Variants in ENTPD1 observed in about 807,000 individuals in gnomAD.
ENTPD1 encodes ectonucleoside triphosphate diphosphohydrolase 1.
Under a neutral mutation model 57.0 loss-of-function variants are expected in ENTPD1, and 33 were observed. The ratio of observed to expected loss-of-function variants is 0.58; its 90% CI spans 0.44 to 0.77. The LOEUF (loss-of-function observed/expected upper bound fraction) is 0.77. Ranked by LOEUF, ENTPD1 falls within the 30% of genes least tolerant of loss-of-function variation. The pLI is 0.00. For missense variants in ENTPD1, 501 were observed against 603.4 expected (o/e 0.83, Z 1.78); for synonymous variants, 202 against 218.8 (o/e 0.92, Z 0.68).
intron 3 of ENTPD1, among the ~76,000 whole-genome samples, chr10:95,840,541 C>G (rs1356924636): frequency 6.6e-6 from 1 of 152,042 alleles, no homozygotes; most frequent in Non-Finnish European, 1.5e-5. Context: ...ACTTACAGAT[C>G]GTTTAAATTT....
intron 6 of ENTPD1, among the ~76,000 whole-genome samples, chr10:95,847,166 A>G (rs562543678): frequency 5.3e-5 from 8 of 152,304 alleles, no homozygotes; most frequent in Admixed American, 1.3e-4. Context: ...CTAAGCACTC[A>G]GGGACATTTC....
At chr10:95,811,504 CAGCCTCCTGAGT>C (rs1368600834) in intron 1 of ENTPD1, among the ~76,000 whole-genome samples, 3 of 152,082 alleles carry the variant, frequency 2.0e-5, no homozygotes, top group African/African-American at 7.2e-5. Flanking sequence ...CCTCCTGCCT[CAGCCTCCTGAGT>C]AGCTGGGACC....
In ENTPD1 at chr10:95,868,509, G is replaced by A; in HGVS notation, c.*2126G>A. 1 of 985,426 alleles carries A rather than the reference G, an allele frequency of 1.0e-6. No individual in the cohort carries two copies. The highest frequency in any genetic ancestry group is 1.2e-6 in the Non-Finnish European group (1 of 829,940). The allele number at this position is 985,426 out of a possible 1,614,324, so 61.0% of individuals were successfully genotyped here. On this transcript the variant is annotated 3_prime_UTR_variant, in exon 10 of 10. Coordinates refer to ENST00000371205, the MANE Select transcript of ENTPD1 (RefSeq NM_001776.6). Reference sequence around the variant, plus strand: ...AGATTGACATCAAATAGTGGCCGATGATGATGAAAATAAAGGTCAAATAAG... The same window carrying A: ...AGATTGACATCAAATAGTGGCCGATAATGATGAAAATAAAGGTCAAATAAG...
At position 95,834,361 on chromosome 10, in the gene ENTPD1, T is replaced by C. The variant is rs143354864; in HGVS notation, c.145-5330T>C. ...TACACCATGTGGCCAGTACCGTCTT[T>C]AGAGGGAAAATACAGGCATTCTGAT... On this transcript the variant is annotated intron_variant, in intron 2 of 9. Transcript: ENST00000371205. Among the ~76,000 whole-genome samples, 733 of 152,232 alleles carry C rather than the reference T, an allele frequency of 4.8e-3. 4 individuals are homozygous for C. Among genetic ancestry groups the C allele is most frequent in the African/African-American group, 0.017 (690 of 41,554 alleles).
chr10:95,725,301 C>T (rs1195855920), intron 1 of ENTPD1, among the ~76,000 whole-genome samples: 1 of 152,036 alleles, frequency 6.6e-6, no homozygotes, highest in African/African-American at 2.4e-5. Flanking sequence ...TTCTTGAAAT[C>T]TCTGCTAAAT....
intron 1 of ENTPD1, among the ~76,000 whole-genome samples, chr10:95,775,831 GGTGC>G: frequency 3.9e-5 from 6 of 152,056 alleles, no homozygotes; most frequent in African/African-American, 1.4e-4. Context: ...TCCTGTATTG[GGTGC>G]ATATATATTT....
the ENTPD1 span, among the ~76,000 whole-genome samples, chr10:95,703,224 T>C: frequency 6.6e-6 from 1 of 152,084 alleles, no homozygotes; most frequent in Non-Finnish European, 1.5e-5. Flanking sequence ...AACCAAAAAC[T>C]GAGGGAAAAA....
At chr10:95,828,906 T>C (rs902369925) in intron 2 of ENTPD1, among the ~76,000 whole-genome samples, 3 of 152,130 alleles carry the variant, frequency 2.0e-5, no homozygotes, top group African/African-American at 7.2e-5. Flanking sequence ...AGACGGGGTT[T>C]CTCCATGTTG....
At chr10:95,705,772 A>G in the ENTPD1 span, among the ~76,000 whole-genome samples, 1 of 152,192 alleles carries the variant, frequency 6.6e-6, no homozygotes, top group Non-Finnish European at 1.5e-5. Context: ...GATTACAGGC[A>G]TAAGCCACTG....
intron 7 of ENTPD1, among the ~76,000 whole-genome samples, chr10:95,858,144 A>G (rs922785569): frequency 2.7e-5 from 4 of 150,206 alleles, no homozygotes; most frequent in African/African-American, 9.9e-5. Context: ...GCGACAGAGC[A>G]AGACTCCATC....
upstream of ENTPD1, among the ~76,000 whole-genome samples, chr10:95,751,908 A>T (rs2098012587): frequency 6.6e-6 from 1 of 152,162 alleles, no homozygotes. Flanking sequence ...ATAAGAAGTT[A>T]TGACCTAGGT....
chr10:95,850,672 A>G (rs1434480796), intron 7 of ENTPD1, among the ~76,000 whole-genome samples: 1 of 152,224 alleles, frequency 6.6e-6, no homozygotes, highest in Non-Finnish European at 1.5e-5. Context: ...GCTCCAGCAC[A>G]CCACTGTAAA....
At chr10:95,864,126 G>C (rs1200218543) in intron 8 of ENTPD1, among the ~76,000 whole-genome samples, 3 of 152,232 alleles carry the variant, frequency 2.0e-5, no homozygotes, top group Non-Finnish European at 4.4e-5. Context: ...TAAGACAGAA[G>C]ATAGAAGGTG....
In ENTPD1 at chr10:95,742,625, A is replaced by G. The variant is rs568397258; in HGVS notation, c.37+30632A>G. Among the ~76,000 whole-genome samples, 11 of 151,600 alleles carry G rather than the reference A, an allele frequency of 7.3e-5. No individual in the cohort carries two copies. The East Asian group carries it at 2.1e-3, about 29-fold the overall frequency. On this transcript the variant is annotated intron_variant, in intron 1 of 9. Transcript: ENST00000453258. Reference sequence around the variant, plus strand: ...CTACTATGTTTTCACATTGAGTTCAATGTAACAAGGCCATTTCCGTGTCTT... The same window carrying G: ...CTACTATGTTTTCACATTGAGTTCAGTGTAACAAGGCCATTTCCGTGTCTT...
intron 1 of ENTPD1, among the ~76,000 whole-genome samples, chr10:95,723,485 G>A (rs1025067889): frequency 6.6e-6 from 1 of 152,072 alleles, no homozygotes; most frequent in Non-Finnish European, 1.5e-5. Flanking sequence ...AGGGGCCTAA[G>A]GATGCAGTGT....
chr10:95,706,190 A>C, the ENTPD1 span, among the ~76,000 whole-genome samples: 1 of 152,244 alleles, frequency 6.6e-6, no homozygotes, highest in Non-Finnish European at 1.5e-5. Flanking sequence ...AATTCAAAAA[A>C]TAGGCAAAAC....
At chr10:95,733,137 G>T (rs987942388) in intron 1 of ENTPD1, among the ~76,000 whole-genome samples, 2 of 152,150 alleles carry the variant, frequency 1.3e-5, no homozygotes, top group African/African-American at 4.8e-5. Flanking sequence ...TCCCAGAGCG[G>T]CCAGTTTAGA....
At chr10:95,810,297 C>T (rs528273348) in intron 1 of ENTPD1, among the ~76,000 whole-genome samples, 248 of 140,698 alleles carry the variant, frequency 1.8e-3, no homozygotes, top group African/African-American at 6.0e-3. Context: ...CCAGATGGGG[C>T]GGTGGCTGGG....
intron 7 of ENTPD1, 118 bp downstream of exon 7, chr10:95,847,824 T>TTAA: frequency 6.9e-7 from 1 of 1,452,766 alleles, no homozygotes. Flanking sequence ...TTGAGGTAGA[T>TTAA]GATTAGGGGT....
Sources: gnomAD v4.1 joint callset for allele counts (sites outside exome capture counted in the v4.1 genomes callset) on GRCh38, gnomAD v4.1.1 for gene constraint, MANE v1.5 for transcripts, NCBI Gene and HGNC (gene_info 2026-07-23, HGNC 2026-07-21) for gene names.